GPHN: variants seen among roughly 807,000 people sequenced by gnomAD.
The protein encoded by GPHN is gephyrin.
In GPHN, 17 loss-of-function variants were observed where a neutral mutation model predicts 95.5. The observed-to-expected ratio is 0.18, with a 90% confidence interval of 0.12 to 0.27. GPHN has a LOEUF of 0.27. GPHN is among the 10% of genes least tolerant of loss of function. The pLI is 1.00. For missense variants in GPHN, 660 were observed against 978.1 expected (o/e 0.67, Z 4.34); for synonymous variants, 320 against 322.5 (o/e 0.99, Z 0.08).
chr14:67,045,410 G>C (rs61989655), intron 10 of GPHN, among the ~76,000 whole-genome samples: 1 of 150,678 alleles, frequency 6.6e-6, no homozygotes, highest in East Asian at 2.0e-4. Context: ...CTCTCTCTGT[G>C]TCTCTCTCTC....
rs145680966 is a variant in GPHN, at chr14:66,875,060, G to A, written c.295-4879G>A. 4.7e-4 allele frequency among the ~76,000 whole-genome samples: 72 copies of A among 152,222 alleles called. 3 individuals carry two copies. In the East Asian group the frequency reaches 9.9e-3, roughly 21 times the overall value. The stretch of plus-strand genomic sequence containing the variant: ...CCATCAAGCTAATGGCAGATCTCTC[G>A]GCAGAAACCCAACAAGCCAGAAGAG... On this transcript the variant is annotated intron_variant, in intron 4 of 22. Transcript: ENST00000478722.
At chr14:67,024,061 G>GGGTA (rs2073801832) in intron 10 of GPHN, among the ~76,000 whole-genome samples, 1 of 152,120 alleles carries the variant, frequency 6.6e-6, no homozygotes. Context: ...GCTCCCAAGA[G>GGGTA]GGTACATCAT....
the GPHN span, chr14:67,338,686 C>T: frequency 2.5e-6 from 4 of 1,614,036 alleles, no homozygotes; most frequent in East Asian, 2.2e-5. Context: ...AACACCTCTC[C>T]AGCTGCTCTC....
the GPHN span, among the ~76,000 whole-genome samples, chr14:67,389,887 C>T: frequency 6.6e-6 from 1 of 151,974 alleles, no homozygotes; most frequent in Admixed American, 6.6e-5. Flanking sequence ...GCCAGGCCAC[C>T]ATGCCCCACA....
chr14:67,308,314 C>CT, the GPHN span, among the ~76,000 whole-genome samples: 562 of 139,462 alleles, frequency 4.0e-3, 1 homozygote, highest in African/African-American at 7.5e-3. Context: ...ACCAAACTTC[C>CT]TTTTTTTTTT....
At chr14:66,835,560 A>G (rs1453913633) in intron 4 of GPHN, among the ~76,000 whole-genome samples, 3 of 151,102 alleles carry the variant, frequency 2.0e-5, no homozygotes, top group Non-Finnish European at 3.0e-5. Context: ...CTCTCTCACC[A>G]CTCCTATTCA....
chr14:66,777,245 C>T (rs1324665453), intron 3 of GPHN, among the ~76,000 whole-genome samples: 1 of 152,132 alleles, frequency 6.6e-6, no homozygotes, highest in Non-Finnish European at 1.5e-5. Flanking sequence ...AATTCCTCGA[C>T]AAATACACTC....
At position 66,768,677 on chromosome 14, in the gene GPHN, A is replaced by G. The variant is rs146304251; in HGVS notation, c.144-7787A>G. 7.1e-4 allele frequency among the ~76,000 whole-genome samples: 108 copies of G among 152,146 alleles called. 2 individuals carry two copies. In the East Asian group the frequency reaches 0.02, roughly 29 times the overall value. On this transcript the variant is annotated intron_variant, in intron 2 of 22. Transcript: ENST00000478722. ...GACAGACAGACAATTAAACAATAAT[A>G]GTTGGGGGCTTTAGTACCCCACTTT... is the stretch of plus-strand genomic sequence containing the variant.
chr14:67,451,140 C>A, the GPHN span, among the ~76,000 whole-genome samples: 4 of 152,220 alleles, frequency 2.6e-5, no homozygotes, highest in African/African-American at 7.2e-5. Flanking sequence ...AAGTCAAGAA[C>A]TGGGGTTTGG....
chr14:67,627,381 G>T, the GPHN span, among the ~76,000 whole-genome samples: 1 of 151,370 alleles, frequency 6.6e-6, no homozygotes, highest in Non-Finnish European at 1.5e-5. Context: ...AGTTTTATGT[G>T]TTTATATTTT....
the GPHN span, among the ~76,000 whole-genome samples, chr14:67,492,830 G>C: frequency 6.6e-6 from 1 of 152,338 alleles, no homozygotes; most frequent in East Asian, 1.9e-4. Flanking sequence ...TGAAGGCCAG[G>C]TACTGTACCA....
chr14:66,930,504 G>T (rs1596405943), intron 8 of GPHN, among the ~76,000 whole-genome samples: 1 of 148,260 alleles, frequency 6.7e-6, no homozygotes, highest in African/African-American at 2.5e-5. Context: ...TTTTATAATA[G>T]TATGTCTCAA....
At chr14:66,993,711 A>T (rs2071586381) in intron 9 of GPHN, among the ~76,000 whole-genome samples, 1 of 152,198 alleles carries the variant, frequency 6.6e-6, no homozygotes, top group Non-Finnish European at 1.5e-5. Flanking sequence ...ATAAGTAAAT[A>T]TTTAATAGTC....
At chr14:66,628,588 C>T (rs532723213) in intron 1 of GPHN, among the ~76,000 whole-genome samples, 1 of 152,128 alleles carries the variant, frequency 6.6e-6, no homozygotes, top group African/African-American at 2.4e-5. Flanking sequence ...TAGGACTTTA[C>T]CATACACCAC....
intron 1 of GPHN, among the ~76,000 whole-genome samples, chr14:66,583,002 C>T (rs1198327483): frequency 2.6e-5 from 4 of 152,138 alleles, no homozygotes; most frequent in Non-Finnish European, 5.9e-5. Flanking sequence ...ATCCCACCAA[C>T]AGTGTAAAAG....
chr14:66,791,699 C>T (rs890310058), intron 3 of GPHN, among the ~76,000 whole-genome samples: 24 of 152,214 alleles, frequency 1.6e-4, no homozygotes, highest in Admixed American at 8.5e-4. Context: ...CTAGAGGTCA[C>T]TGTCATTGCC....
the GPHN span, chr14:67,722,621 A>T: frequency 6.2e-7 from 1 of 1,608,812 alleles, no homozygotes; most frequent in Non-Finnish European, 8.5e-7. Context: ...CAAAAGCAAC[A>T]GCAGCTACAG....
chr14:67,528,586 T>C, the GPHN span, among the ~76,000 whole-genome samples: 1 of 152,212 alleles, frequency 6.6e-6, no homozygotes, highest in Admixed American at 6.5e-5. Context: ...TGCAGTCAGA[T>C]GGCTGGATTT....
the GPHN span, among the ~76,000 whole-genome samples, chr14:67,295,498 A>AG: frequency 6.6e-6 from 1 of 151,992 alleles, no homozygotes; most frequent in African/African-American, 2.4e-5. Context: ...TCAAAAAAAA[A>AG]AAAACTCTTG....
Sources: gnomAD v4.1 joint callset for allele counts (sites outside exome capture counted in the v4.1 genomes callset) on GRCh38, gnomAD v4.1.1 for gene constraint, MANE v1.5 for transcripts, NCBI Gene and HGNC (gene_info 2026-07-23, HGNC 2026-07-21) for gene names.